Variants in ADGRG7 observed in about 807,000 individuals in gnomAD.
ADGRG7 encodes the protein adhesion G protein-coupled receptor G7.
A neutral mutation model predicts 88.6 loss-of-function variants in ADGRG7; 82 were observed. That is an observed-to-expected ratio of 0.93 (90% CI 0.77 to 1.11). The LOEUF (loss-of-function observed/expected upper bound fraction) is 1.11, where lower values mean the gene tolerates loss of function less well. Among genes scored for constraint, ADGRG7 ranks in the 50% most tolerant of loss-of-function variants. The pLI, the probability that ADGRG7 is intolerant of heterozygous loss-of-function variation, is 0.00. For missense variants in ADGRG7, 945 were observed against 953.4 expected, an observed-to-expected ratio of 0.99 and a Z score of 0.12; for synonymous variants, 381 against 345.2, an observed-to-expected ratio of 1.10 and a Z score of -1.15.
At chr3:100,683,732 G>A (rs1013387081) in intron 15 of ADGRG7, among the ~76,000 whole-genome samples, 9 of 152,336 alleles carry the variant, frequency 5.9e-5, no homozygotes, top group South Asian at 2.1e-4. Context: ...GGTGCCACTG[G>A]CCACATAGAT....
At chr3:100,663,021 G>C (rs140465282) in intron 14 of ADGRG7, among the ~76,000 whole-genome samples, 32 of 152,178 alleles carry the variant, frequency 2.1e-4, no homozygotes, top group African/African-American at 7.7e-4. Context: ...ATGTCCTACT[G>C]ATCCTCTAGC....
chr3:100,681,347 G>A (rs1001207866), intron 15 of ADGRG7, among the ~76,000 whole-genome samples: 4 of 143,222 alleles, frequency 2.8e-5, no homozygotes, highest in African/African-American at 1.0e-4. Context: ...GTCTCACTCT[G>A]TCACCCAGGC....
intron 15 of ADGRG7, among the ~76,000 whole-genome samples, chr3:100,693,994 A>G (rs962751922): frequency 6.6e-6 from 1 of 152,232 alleles, no homozygotes; most frequent in Non-Finnish European, 1.5e-5. Context: ...TAAAGATGTA[A>G]GAATTCAATT....
chr3:100,642,113 G>C (rs1480381721), intron 6 of ADGRG7, among the ~76,000 whole-genome samples: 1 of 152,178 alleles, frequency 6.6e-6, no homozygotes, highest in Non-Finnish European at 1.5e-5. Flanking sequence ...AACACCTCCT[G>C]TATATCTACC....
Position 100,643,413 on chromosome 3 carries a change from G to C in ADGRG7, c.838+8G>C, listed in dbSNP as rs1439924645. 5 of 1,613,560 alleles carry C rather than the reference G, an allele frequency of 3.1e-6. No homozygotes were observed. ...GCTTCTCTGTGCAGAAAGGTGAGCT[G>C]TTAATCTTATGTGCTTGTAACAGCA... On this transcript the variant is annotated splice_region_variant and intron_variant, in intron 7 of 15. Transcript: ENST00000273352.
intron 1 of ADGRG7, 121 bp downstream of exon 1, chr3:100,610,092 C>T: frequency 1.4e-6 from 1 of 711,968 alleles, no homozygotes; most frequent in Non-Finnish European, 2.5e-6. Context: ...CACCAAGGTG[C>T]CATTTATGGG....
intron 14 of ADGRG7, chr3:100,665,222 G>A (rs930205690): frequency 1.7e-5 from 9 of 539,858 alleles, no homozygotes; most frequent in African/African-American, 3.8e-5. Flanking sequence ...AATAAAGCAC[G>A]GAGGATATGG....
intron 3 of ADGRG7, 142 bp downstream of exon 3, chr3:100,630,951 A>G (rs775524291): frequency 1.0e-5 from 4 of 397,068 alleles, no homozygotes; most frequent in Non-Finnish European, 1.8e-5. Flanking sequence ...TCGTGATGCT[A>G]ATGTTCAAAA....
chr3:100,630,840 C>A, intron 3 of ADGRG7, 31 bp downstream of exon 3: 1 of 1,202,598 alleles, frequency 8.3e-7, no homozygotes, highest in East Asian at 2.8e-5. Context: ...TTACTCTATG[C>A]ATAAGAATTA....
intron 1 of ADGRG7, among the ~76,000 whole-genome samples, chr3:100,618,947 G>A (rs1576311674): frequency 6.6e-6 from 1 of 152,080 alleles, no homozygotes; most frequent in Non-Finnish European, 1.5e-5. Flanking sequence ...TTTGTAAGTT[G>A]GATTCCTAGG....
chr3:100,622,275 T>A (rs1008441471), intron 1 of ADGRG7, among the ~76,000 whole-genome samples: 1 of 151,710 alleles, frequency 6.6e-6, no homozygotes, highest in Non-Finnish European at 1.5e-5. Context: ...TTTTTTTTTT[T>A]TTTTTTTTTT....
At chr3:100,644,526 A>G (rs1011038729) in intron 8 of ADGRG7, among the ~76,000 whole-genome samples, 2 of 152,108 alleles carry the variant, frequency 1.3e-5, no homozygotes, top group African/African-American at 2.4e-5. Flanking sequence ...AATTTTTCCT[A>G]TATTTGCTTC....
chr3:100,667,560 T>C (rs1216865468), intron 14 of ADGRG7, among the ~76,000 whole-genome samples: 1 of 152,268 alleles, frequency 6.6e-6, no homozygotes, highest in African/African-American at 2.4e-5. Context: ...CTGCATATTC[T>C]TAATCCAGTT....
chr3:100,659,884 A>G (rs1442772002), intron 14 of ADGRG7, 41 bp downstream of exon 14: 3 of 1,594,982 alleles, frequency 1.9e-6, no homozygotes, highest in Admixed American at 3.4e-5. Context: ...GGCAAGGCTC[A>G]TCCAGCACTT....
chr3:100,673,102 T>G (rs529982549), intron 15 of ADGRG7, among the ~76,000 whole-genome samples: 1 of 152,318 alleles, frequency 6.6e-6, no homozygotes, highest in East Asian at 1.9e-4. Flanking sequence ...ATTCTCTCTC[T>G]TTCAATTGTT....
intron 14 of ADGRG7, among the ~76,000 whole-genome samples, chr3:100,668,310 G>T (rs1030335341): frequency 6.6e-6 from 1 of 152,192 alleles, no homozygotes; most frequent in African/African-American, 2.4e-5. Context: ...GTTCAGTTGG[G>T]AAAGCTCATC....
At chr3:100,636,621 A>G (rs1400596186) in intron 5 of ADGRG7, among the ~76,000 whole-genome samples, 1 of 148,460 alleles carries the variant, frequency 6.7e-6, no homozygotes, top group Non-Finnish European at 1.5e-5. Flanking sequence ...CCTTTCTTCC[A>G]TTCCCTTTAA....
intron 15 of ADGRG7, among the ~76,000 whole-genome samples, chr3:100,687,433 G>C (rs1390175656): frequency 7.9e-5 from 12 of 152,292 alleles, no homozygotes; most frequent in South Asian, 2.1e-4. Context: ...AGTGGTGACA[G>C]AGGGCATCCC....
intron 1 of ADGRG7, among the ~76,000 whole-genome samples, chr3:100,619,989 G>A (rs1014304380): frequency 2.6e-5 from 4 of 152,182 alleles, no homozygotes; most frequent in African/African-American, 7.2e-5. Context: ...ATAAGGAGGA[G>A]CTGGTACCAT....
Sources: gnomAD v4.1 joint callset for allele counts (sites outside exome capture counted in the v4.1 genomes callset) on GRCh38, gnomAD v4.1.1 for gene constraint, MANE v1.5 for transcripts, NCBI Gene and HGNC (gene_info 2026-07-23, HGNC 2026-07-21) for gene names.